LRRC52: variants seen among roughly 807,000 people sequenced by gnomAD.
The protein encoded by LRRC52 is leucine rich repeat containing 52.
In LRRC52, 15 loss-of-function variants were observed where a neutral mutation model predicts 14.7. The ratio of observed to expected loss-of-function variants is 1.02; its 90% confidence interval spans 0.68 to 1.58. The LOEUF is 1.58. LRRC52 is among the 40% of genes most tolerant of loss of function. The pLI is 0.00. For synonymous variants in LRRC52, 180 were observed against 163.9 expected (o/e 1.10, Z -0.75); for missense variants, 400 against 387.7 (o/e 1.03, Z -0.27).
At position 165,563,882 on chromosome 1, in the gene LRRC52, C is replaced by A. The variant is rs899138864; in HGVS notation, c.*58C>A. The A allele has an allele frequency of 9.2e-6, 14 of 1,522,374 alleles. No individual in the cohort carries two copies. Among genetic ancestry groups the A allele is most frequent in the Non-Finnish European group, 1.3e-5 (14 of 1,112,810 alleles). The allele number at this position is 1,522,374 out of a possible 1,614,324, so 94.3% of individuals were successfully genotyped here. On this transcript the variant is annotated 3_prime_UTR_variant, in exon 2 of 2. Coordinates refer to ENST00000294818, the MANE Select transcript of LRRC52 (RefSeq NM_001005214.4). ...CAGGCTCCCTGCTTTCTCTCTTGCC[C>A]TCCCCATCCCACCACCTTGGAGCTG...
At chr1:165,549,555 A>G (rs1390075449) in intron 1 of LRRC52, among the ~76,000 whole-genome samples, 1 of 152,230 alleles carries the variant, frequency 6.6e-6, no homozygotes, top group South Asian at 2.1e-4. Context: ...AGTGTCCTTA[A>G]GCCTTTATCA....
At chr1:165,551,628 A>T (rs1661134348) in intron 1 of LRRC52, among the ~76,000 whole-genome samples, 1 of 152,154 alleles carries the variant, frequency 6.6e-6, no homozygotes, top group Admixed American at 6.5e-5. Context: ...GGTGGGGCCC[A>T]CACATCAGAG....
Position 165,544,804 on chromosome 1 carries a change from T to C in LRRC52, c.508T>C (p.Leu170=), listed in dbSNP as rs1386169673. 1 of 1,614,052 alleles carries C rather than the reference T, an allele frequency of 6.2e-7. No homozygotes were observed. The highest frequency in any genetic ancestry group is 8.5e-7 in the Non-Finnish European group (1 of 1,180,002). Residue 170 remains leucine, a synonymous_variant, in exon 1 of 2, where the codon TTA becomes CTA. Transcript: ENST00000294818. The part of the protein sequence containing the change: ...TGLQTLDSAA[L]YHLTTLETLF... Reference sequence around the variant, plus strand: ...CTTGCAGACCCTGGACAGTGCTGCCTTATACCACCTCACTACTCTGGAGAC... The same window carrying C: ...CTTGCAGACCCTGGACAGTGCTGCCCTATACCACCTCACTACTCTGGAGAC...
intron 1 of LRRC52, among the ~76,000 whole-genome samples, chr1:165,549,161 G>A (rs913222133): frequency 1.3e-5 from 2 of 152,202 alleles, no homozygotes; most frequent in African/African-American, 4.8e-5. Context: ...AGGAACAAAA[G>A]CAGAAGCTCA....
Position 165,563,743 on chromosome 1 carries a change from G to C in LRRC52, c.861G>C (p.Glu287Asp), listed in dbSNP as rs1487345255. 1.2e-6 allele frequency: 2 copies of C among 1,614,206 alleles called. No individual in the cohort carries two copies. Among genetic ancestry groups the C allele is most frequent in the Non-Finnish European group, 1.7e-6 (2 of 1,180,034 alleles). ...RHKSSEEDEDEAGTRVEVSRR... is the reference protein window; with the variant it reads ...RHKSSEEDEDDAGTRVEVSRR... ...AGTCGAGTGAAGAAGATGAGGACGA[G>C]GCCGGGACTAGGGTGGAAGTCAGCC... The change falls in exon 2 of 2, where the codon GAG (glutamate) becomes GAC (aspartate). Residue 287 changes from glutamate to aspartate, a missense_variant. By Grantham distance (45) the Glu-to-Asp change is conservative. Coordinates refer to ENST00000294818, the MANE Select transcript of LRRC52 (RefSeq NM_001005214.4).
At chr1:165,546,911 T>C (rs1661031378) in intron 1 of LRRC52, among the ~76,000 whole-genome samples, 1 of 152,196 alleles carries the variant, frequency 6.6e-6, no homozygotes, top group Non-Finnish European at 1.5e-5. Flanking sequence ...CTTGTCAAGA[T>C]TATAAGCTCC....
intron 1 of LRRC52, among the ~76,000 whole-genome samples, chr1:165,553,160 A>T (rs1661168562): frequency 6.6e-6 from 1 of 152,230 alleles, no homozygotes; most frequent in Non-Finnish European, 1.5e-5. Flanking sequence ...AGTGAGGATA[A>T]TAAGGGCCAA....
intron 1 of LRRC52, among the ~76,000 whole-genome samples, chr1:165,559,098 TAA>T (rs1661293633): frequency 6.6e-6 from 1 of 152,184 alleles, no homozygotes; most frequent in African/African-American, 2.4e-5. Flanking sequence ...TTAAAATTTG[TAA>T]AGTGAAGGCC....
Position 165,544,558 on chromosome 1 carries a change from C to A in LRRC52, c.262C>A (p.Arg88=), listed in dbSNP as rs775106406. 1.2e-6 allele frequency: 2 copies of A among 1,614,006 alleles called. No homozygotes were observed. The highest frequency in any genetic ancestry group is 2.2e-5 in the East Asian group (1 of 44,870). ...DLVYLDCQNN[R]IREVMDYTFI... is the part of the protein sequence containing the mutation. ...TGTTTATTTGGACTGTCAGAACAACCGGATTCGAGAGGTGATGGATTATAC... is the reference window on the plus strand; with the variant it reads ...TGTTTATTTGGACTGTCAGAACAACAGGATTCGAGAGGTGATGGATTATAC... Residue 88 remains arginine (R), a synonymous_variant, in exon 1 of 2, where the codon CGG becomes AGG. Coordinates refer to ENST00000294818, the MANE Select transcript of LRRC52 (RefSeq NM_001005214.4).
In LRRC52 at chr1:165,544,493, C is replaced by T. The variant is rs1660972789; in HGVS notation, c.197C>T (p.Thr66Ile). 2 of 1,614,070 alleles carry T rather than the reference C, an allele frequency of 1.2e-6. No individual in the cohort carries two copies. Among genetic ancestry groups the T allele is most frequent in the African/African-American group, 2.7e-5 (2 of 74,926 alleles). Residue 66 changes from threonine (T) to isoleucine (I), a missense_variant, in exon 1 of 2, where the codon ACT becomes ATT. Transcript: ENST00000294818. Reference protein sequence around the residue: ...RRLFLNENRITSLPAMHLGLL... With the variant: ...RRLFLNENRIISLPAMHLGLL... Reference sequence around the variant, plus strand: ...CTGTTCCTGAACGAGAACAGAATCACTAGTTTGCCAGCAATGCATCTAGGA... The same window carrying T: ...CTGTTCCTGAACGAGAACAGAATCATTAGTTTGCCAGCAATGCATCTAGGA...
intron 1 of LRRC52, among the ~76,000 whole-genome samples, chr1:165,552,612 T>A (rs892632701): frequency 6.6e-6 from 1 of 152,218 alleles, no homozygotes; most frequent in African/African-American, 2.4e-5. Context: ...GAAGGAATCA[T>A]TTAGAAGGCA....
chr1:165,544,464 G>A lies in LRRC52; in HGVS notation c.168G>A (p.Arg56=), dbSNP rs1443441543. 1.2e-6 allele frequency: 2 copies of A among 1,614,116 alleles called. No homozygotes were observed. Residue 56 remains arginine, a synonymous_variant, in exon 1 of 2, where the codon CGG becomes CGA. Coordinates refer to ENST00000294818, the MANE Select transcript of LRRC52 (RefSeq NM_001005214.4). ...EYPLDIPLNT[R]RLFLNENRIT... Reference sequence around the variant, plus strand: ...CCCTTGACATACCCCTGAACACCCGGAGGCTGTTCCTGAACGAGAACAGAA... The same window carrying A: ...CCCTTGACATACCCCTGAACACCCGAAGGCTGTTCCTGAACGAGAACAGAA...
chr1:165,561,301 G>A (rs1661336151), intron 1 of LRRC52, among the ~76,000 whole-genome samples: 1 of 152,168 alleles, frequency 6.6e-6, no homozygotes, highest in African/African-American at 2.4e-5. Context: ...AAAATAGAAT[G>A]AGATAAACCC....
chr1:165,555,606 A>C (rs1661217616), intron 1 of LRRC52, among the ~76,000 whole-genome samples: 1 of 152,256 alleles, frequency 6.6e-6, no homozygotes. Context: ...AAGCAAGGAC[A>C]CACATTCAGA....
Position 165,544,273 on chromosome 1 carries a change from G to C in LRRC52, c.-24G>C. 1 of 1,533,062 alleles carries C rather than the reference G, an allele frequency of 6.5e-7. No individual in the cohort carries two copies. The highest frequency in any genetic ancestry group is 8.9e-7 in the Non-Finnish European group (1 of 1,128,962). The allele number at this position is 1,533,062 out of a possible 1,614,324, so 95.0% of individuals were successfully genotyped here. A position where few individuals can be genotyped will look rare whatever the true frequency, so the allele number is the denominator to read the frequency against. ...GGACAGAGCCCGCAGGAAGGTGAAA[G>C]GAGGGTGGTTGTGGCTTCTTACTAT... is the stretch of plus-strand genomic sequence containing the variant. On this transcript the variant is annotated 5_prime_UTR_variant, in exon 1 of 2. Coordinates refer to ENST00000294818, the MANE Select transcript of LRRC52 (RefSeq NM_001005214.4).
Position 165,544,711 on chromosome 1 carries a change from T to C in LRRC52, c.415T>C (p.Leu139=). ...GAACATTGCCAACAACCCTCACCTG[T>C]TATCGCTTCACAAGTTCACCTTTGC... ...QLNIANNPHL[L]SLHKFTFANT... is the part of the protein sequence containing the mutation. Residue 139 remains leucine, a synonymous_variant, in exon 1 of 2, where the codon TTA becomes CTA. Coordinates refer to ENST00000294818, the MANE Select transcript of LRRC52 (RefSeq NM_001005214.4). The C allele has an allele frequency of 6.2e-7, 1 of 1,614,090 alleles. No homozygotes were observed. The highest frequency in any genetic ancestry group is 2.2e-5 in the East Asian group (1 of 44,870).
intron 1 of LRRC52, among the ~76,000 whole-genome samples, chr1:165,551,531 C>T (rs1354661174): frequency 6.6e-6 from 1 of 152,130 alleles, no homozygotes; most frequent in Non-Finnish European, 1.5e-5. Context: ...TGACAGGCTA[C>T]CAGGGGCTAG....
chr1:165,545,829 C>T (rs1318032729), intron 1 of LRRC52, among the ~76,000 whole-genome samples: 1 of 152,166 alleles, frequency 6.6e-6, no homozygotes, highest in African/African-American at 2.4e-5. Context: ...TGAGAAATAA[C>T]TCCTCACAGA....
At chr1:165,551,218 C>T (rs897919000) in intron 1 of LRRC52, among the ~76,000 whole-genome samples, 8 of 124,948 alleles carry the variant, frequency 6.4e-5, no homozygotes, top group Non-Finnish European at 1.1e-4. Flanking sequence ...AAACTCATTG[C>T]CCCAGACTTT....
Sources: allele counts gnomAD v4.1 joint callset (sites outside exome capture counted in the v4.1 genomes callset), GRCh38; gene constraint gnomAD v4.1.1; transcripts MANE v1.5; gene names NCBI Gene and HGNC (gene_info 2026-07-23, HGNC 2026-07-21).